ABHD12: variants seen among roughly 807,000 people sequenced by gnomAD.
ABHD12 encodes the protein abhydrolase domain containing 12, lysophospholipase, also known as lysophosphatidylserine lipase ABHD12.
A neutral mutation model predicts 58.3 loss-of-function variants in ABHD12; 43 were observed. The observed-to-expected ratio is 0.74, with a 90% CI of 0.58 to 0.95. The LOEUF (loss-of-function observed/expected upper bound fraction) is 0.95. Ranked by LOEUF, ABHD12 falls within the 40% of genes least tolerant of loss-of-function variation. The pLI, the probability that ABHD12 is intolerant of heterozygous loss-of-function variation, is 0.00. For synonymous variants in ABHD12, 219 were observed against 211.2 expected, an observed-to-expected ratio of 1.04 and a Z score of -0.32; for missense variants, 539 against 537.2, an observed-to-expected ratio of 1.00 and a Z score of -0.03.
chr20:25,375,587 G>A (rs939493541), intron 1 of ABHD12, among the ~76,000 whole-genome samples: 13 of 152,120 alleles, frequency 8.5e-5, no homozygotes, highest in African/African-American at 2.7e-4. Flanking sequence ...GGGAGTCCAC[G>A]TGGCTCCCCT....
chr20:25,320,184 G>A lies in ABHD12; in HGVS notation c.542+15C>T. 1 of 1,613,578 alleles carries A rather than the reference G, an allele frequency of 6.2e-7. No individual in the cohort carries two copies. The highest frequency in any genetic ancestry group is 8.5e-7 in the Non-Finnish European group (1 of 1,179,954). ...CCATGCTCCACAGCAAAGATGATGG[G>A]CTCCTCTCCCTCACCTGGTACCTGC... On this transcript the variant is annotated intron_variant, in intron 4 of 12. Transcript: ENST00000339157.
chr20:25,302,819 C>T (rs1470326510), intron 11 of ABHD12, among the ~76,000 whole-genome samples: 1 of 152,176 alleles, frequency 6.6e-6, no homozygotes, highest in Non-Finnish European at 1.5e-5. Context: ...CCCTGTGTGG[C>T]TCCGTCATCT....
chr20:25,373,559 T>A (rs1568770311), intron 1 of ABHD12, among the ~76,000 whole-genome samples: 2 of 151,864 alleles, frequency 1.3e-5, no homozygotes, highest in Non-Finnish European at 2.9e-5. Context: ...AAAAAAAAAT[T>A]AAAAAAATAA....
intron 1 of ABHD12, among the ~76,000 whole-genome samples, chr20:25,373,145 C>G (rs560429672): frequency 1.3e-5 from 2 of 152,160 alleles, no homozygotes; most frequent in African/African-American, 4.8e-5. Context: ...CTCTGATCTT[C>G]GCGTGACAAT....
chr20:25,315,023 A>G, intron 5 of ABHD12, 53 bp from the exon 6 acceptor site: 1 of 1,596,484 alleles, frequency 6.3e-7, no homozygotes, highest in Non-Finnish European at 8.6e-7. Context: ...ATCTGTATTG[A>G]GGGCAGCTTG....
In ABHD12 at chr20:25,320,552, G is replaced by A. The variant is rs7263527; in HGVS notation, c.423-234C>T. ...TGGCACTGACAGCTTCAGCAGGAGC[G>A]TTCCCTGACTGGCAGGCCAGCCTCC... On this transcript the variant is annotated intron_variant, in intron 3 of 12. Transcript: ENST00000339157. 6.9e-3 allele frequency among the ~76,000 whole-genome samples: 1,058 copies of A among 152,284 alleles called. 5 individuals are homozygous for A. Among genetic ancestry groups the A allele is most frequent in the Middle Eastern group, 0.02 (6 of 294 alleles).
At chr20:25,353,244 T>A (rs1347375545) in intron 1 of ABHD12, among the ~76,000 whole-genome samples, 1 of 131,244 alleles carries the variant, frequency 7.6e-6, no homozygotes, top group African/African-American at 2.6e-5. Flanking sequence ...AAGCCATAGG[T>A]GTTTTTTTTG....
At chr20:25,327,739 T>G (rs1034028639) in intron 2 of ABHD12, among the ~76,000 whole-genome samples, 2 of 152,198 alleles carry the variant, frequency 1.3e-5, no homozygotes, top group African/African-American at 4.8e-5. Flanking sequence ...TGGAAATTGT[T>G]GTGGTTTAGG....
intron 1 of ABHD12, among the ~76,000 whole-genome samples, chr20:25,374,991 CTG>C (rs535322912): frequency 1.8e-3 from 270 of 152,272 alleles, no homozygotes; most frequent in African/African-American, 6.3e-3. Context: ...CAGAATATGA[CTG>C]TATTTAGAGA....
At chr20:25,390,474 C>CGGGGGGGGGG in intron 1 of ABHD12, 39 bp downstream of exon 1, 1 of 1,079,070 alleles carries the variant, frequency 9.3e-7, no homozygotes, top group Non-Finnish European at 1.1e-6. Context: ...AAGTGAGGGA[C>CGGGGGGGGGG]CGGCCCCCCC....
intron 10 of ABHD12, among the ~76,000 whole-genome samples, chr20:25,304,558 CTTTT>C (rs1409566489): frequency 6.6e-5 from 10 of 152,246 alleles, no homozygotes; most frequent in Non-Finnish European, 1.2e-4. Context: ...CTCAAACTTG[CTTTT>C]TTTGTTTGTT....
intron 1 of ABHD12, among the ~76,000 whole-genome samples, chr20:25,362,420 A>T (rs910637377): frequency 6.6e-6 from 1 of 151,324 alleles, no homozygotes; most frequent in Admixed American, 6.6e-5. Flanking sequence ...TACAAAAATC[A>T]GCCGGGCGTG....
chr20:25,297,933 C>T (rs1441322599), downstream of ABHD12: 10 of 152,346 alleles, frequency 6.6e-5, no homozygotes, highest in Admixed American at 5.9e-4. Context: ...GGGCCACCAC[C>T]CTGACCACCA....
chr20:25,374,936 T>C (rs2089944073), intron 1 of ABHD12, among the ~76,000 whole-genome samples: 1 of 152,238 alleles, frequency 6.6e-6, no homozygotes, highest in Admixed American at 6.5e-5. Flanking sequence ...GGCTGAATAA[T>C]GTCCCCTCAA....
intron 1 of ABHD12, among the ~76,000 whole-genome samples, chr20:25,345,227 A>C (rs1600830858): frequency 6.6e-6 from 1 of 152,232 alleles, no homozygotes; most frequent in South Asian, 2.1e-4. Flanking sequence ...CTGAGACTAC[A>C]GGTGAGCGCC....
chr20:25,368,271 C>A, intron 1 of ABHD12: 1 of 1,528,972 alleles, frequency 6.5e-7, no homozygotes, highest in South Asian at 1.1e-5. Flanking sequence ...ACAAGTCAAA[C>A]TTATTAGAGT....
intron 6 of ABHD12, among the ~76,000 whole-genome samples, chr20:25,312,863 C>A (rs1433126987): frequency 6.7e-6 from 1 of 148,430 alleles, no homozygotes; most frequent in Non-Finnish European, 1.5e-5. Context: ...CGTCTCCGCC[C>A]GGCAGCCGCC....
chr20:25,356,829 G>A (rs2089675067), intron 1 of ABHD12, among the ~76,000 whole-genome samples: 1 of 152,164 alleles, frequency 6.6e-6, no homozygotes, highest in Non-Finnish European at 1.5e-5. Flanking sequence ...CATCTCGAAT[G>A]AGGACTGGGC....
chr20:25,334,417 C>A (rs1406672711), intron 2 of ABHD12, among the ~76,000 whole-genome samples: 8 of 150,972 alleles, frequency 5.3e-5, no homozygotes, highest in African/African-American at 1.7e-4. Flanking sequence ...CCCCATCAAG[C>A]TACCAATGAC....
Sources: gnomAD v4.1 joint callset for allele counts (sites outside exome capture counted in the v4.1 genomes callset) on GRCh38, gnomAD v4.1.1 for gene constraint, MANE v1.5 for transcripts, NCBI Gene and HGNC (gene_info 2026-07-23, HGNC 2026-07-21) for gene names.